Variants in ACLY observed in about 807,000 individuals in gnomAD.
ACLY encodes the protein ATP citrate lyase.
ACLY carries 41 observed loss-of-function variants against 133.0 expected under a neutral mutation model. The ratio of observed to expected loss-of-function variants is 0.31; its 90% CI spans 0.24 to 0.40. The LOEUF is 0.40. Among genes scored for constraint, ACLY ranks in the 10% least tolerant of loss-of-function variants. ACLY has a pLI of 1.00. For synonymous variants in ACLY, 495 were observed against 549.3 expected, an observed-to-expected ratio of 0.90 and a Z score of 1.38; for missense variants, 1,046 against 1,453.8, an observed-to-expected ratio of 0.72 and a Z score of 4.56.
At chr17:41,894,602 G>C (rs1478568682) in intron 14 of ACLY, among the ~76,000 whole-genome samples, 1 of 150,894 alleles carries the variant, frequency 6.6e-6, no homozygotes, top group Admixed American at 6.6e-5. Context: ...CGATTATTAC[G>C]CATTGCACGC....
At chr17:41,919,786 T>C (rs1416940948), upstream of ACLY, among the ~76,000 whole-genome samples, 1 of 152,228 alleles carries the variant, frequency 6.6e-6, no homozygotes, top group Non-Finnish European at 1.5e-5. Flanking sequence ...CCCTTCTCCA[T>C]TACCTGAGAC....
intron 4 of ACLY, 90 bp from the exon 5 acceptor site, chr17:41,909,790 T>C: frequency 8.4e-7 from 1 of 1,196,936 alleles, no homozygotes; most frequent in Non-Finnish European, 1.2e-6. Context: ...GTCTACCATG[T>C]ACTGGGAGAG....
rs751690276 is a variant in ACLY at position 41,892,417 on chromosome 17, C to A, written c.1632G>T (p.Gly544=). 1 of 1,613,632 alleles carries A rather than the reference C, an allele frequency of 6.2e-7. No individual in the cohort carries two copies. The highest frequency in any genetic ancestry group is 8.5e-7 in the Non-Finnish European group (1 of 1,179,884). Residue 544 remains glycine (G), a synonymous_variant, in exon 16 of 29, where the codon GGG becomes GGT. Transcript: ENST00000352035. The part of the protein sequence containing the change: ...TGDHKQKFYW[G]HKEILIPVFK... ...AGACAGGGATCAGGATCTCTTTGTG[C>A]CCCCAGTAAAACTTCTGCTTGTGGT... is the stretch of plus-strand genomic sequence containing the variant.
chr17:41,885,476 T>C (rs2049024339), intron 18 of ACLY, among the ~76,000 whole-genome samples: 1 of 152,218 alleles, frequency 6.6e-6, no homozygotes, highest in African/African-American at 2.4e-5. Flanking sequence ...ACATTTATTA[T>C]GAACCTACTA....
chr17:41,873,175 CTTTT>C (rs529319940), intron 23 of ACLY, among the ~76,000 whole-genome samples: 1 of 134,360 alleles, frequency 7.4e-6, no homozygotes, highest in South Asian at 2.4e-4. Context: ...ACACAAGGTA[CTTTT>C]TTTTTTTTTT....
At chr17:41,904,069 A>G (rs2049619579) in intron 10 of ACLY, among the ~76,000 whole-genome samples, 1 of 151,094 alleles carries the variant, frequency 6.6e-6, no homozygotes, top group Non-Finnish European at 1.5e-5. Context: ...GTGAGCTGAG[A>G]TCGTGCCATT....
intron 2 of ACLY, 61 bp downstream of exon 2, chr17:41,913,654 G>C: frequency 6.4e-7 from 1 of 1,564,620 alleles, no homozygotes; most frequent in Non-Finnish European, 8.7e-7. Flanking sequence ...ACAAACCAAT[G>C]GCTTTCTCTT....
At chr17:41,925,751 T>A (rs947833565) in intron 1 of ACLY, among the ~76,000 whole-genome samples, 1 of 152,102 alleles carries the variant, frequency 6.6e-6, no homozygotes, top group Non-Finnish European at 1.5e-5. Context: ...AGGCAGTAGT[T>A]ACCTGGAGAG....
Position 41,869,072 on chromosome 17 carries a change from G to A in ACLY, c.3105C>T (p.Asp1035=), listed in dbSNP as rs1174669324. The A allele has an allele frequency of 1.2e-5, 20 of 1,613,810 alleles. No homozygotes were observed. The highest frequency in any genetic ancestry group is 2.7e-5 in the African/African-American group (2 of 74,908). ...VDGLIGVAFV[D]MLRNCGSFTR... is the part of the protein sequence containing the mutation. ...TAAAGGACCCACAGTTTCTAAGCAT[G>A]TCTACAAATGCGACTCCGATGAGAC... The change falls in exon 27 of 29, where the codon GAC becomes GAT. Residue 1035 remains aspartate, a synonymous_variant. Transcript: ENST00000352035.
intron 14 of ACLY, 123 bp downstream of exon 14, chr17:41,896,497 G>T (rs782119768): frequency 5.0e-5 from 43 of 857,908 alleles, no homozygotes; most frequent in African/African-American, 6.9e-5. Flanking sequence ...ATCAAGGCAG[G>T]GACAGAAAAT....
chr17:41,912,329 T>A (rs2049927195), intron 3 of ACLY, 91 bp downstream of exon 3: 3 of 1,528,570 alleles, frequency 2.0e-6, no homozygotes, highest in Middle Eastern at 2.1e-4. Flanking sequence ...TGAGACTGGC[T>A]GTGGGGGTGA....
chr17:41,892,965 C>T, intron 15 of ACLY, 68 bp downstream of exon 15: 1 of 1,561,220 alleles, frequency 6.4e-7, no homozygotes, highest in Admixed American at 1.8e-5. Context: ...AGGCATGAGC[C>T]ACTGTGCCCA....
intron 13 of ACLY, among the ~76,000 whole-genome samples, chr17:41,897,066 C>T (rs557868783): frequency 6.6e-6 from 1 of 152,280 alleles, no homozygotes; most frequent in Admixed American, 6.5e-5. Context: ...GGGGTTGACC[C>T]GTGCCATGGA....
At chr17:41,914,040 C>A in intron 1 of ACLY, 144 bp from the exon 2 acceptor site, 1 of 758,208 alleles carries the variant, frequency 1.3e-6, no homozygotes. Flanking sequence ...AAATGCTGTC[C>A]CAGCGGGAGG....
At chr17:41,904,434 T>C in intron 10 of ACLY, 1 of 373,264 alleles carries the variant, frequency 2.7e-6, no homozygotes, top group Non-Finnish European at 4.9e-6. Context: ...ATTGAGCCAG[T>C]GCTCCAAAGC....
chr17:41,911,966 T>C (rs1235775288), intron 3 of ACLY, among the ~76,000 whole-genome samples: 3 of 151,924 alleles, frequency 2.0e-5, no homozygotes, highest in African/African-American at 7.3e-5. Flanking sequence ...AATACAAAAT[T>C]AGCCAAGTAT....
Position 41,918,796 on chromosome 17 carries a change from A to G in ACLY, c.-24+84T>C, listed in dbSNP as rs1278583467. ...GTGGGCACCGAGCCCGCGTCGGGGA[A>G]GGCGGTTCCGGGTTGGGGGACGGAG... is the stretch of plus-strand genomic sequence containing the variant. On this transcript the variant is annotated intron_variant, in intron 1 of 28. Coordinates refer to ENST00000352035, the MANE Select transcript of ACLY (RefSeq NM_001096.3). 5 of 1,259,830 alleles carry G rather than the reference A, an allele frequency of 4.0e-6. No homozygotes were observed. In the East Asian group the frequency reaches 2.7e-4, roughly 68 times the overall value. The allele number at this position is 1,259,830 out of a possible 1,614,324, so 78.0% of individuals were successfully genotyped here.
rs113545188 is a variant in ACLY, at chr17:41,871,913, C to T, written c.2794-81G>A. On this transcript the variant is annotated intron_variant, in intron 24 of 28. Transcript: ENST00000352035. Reference sequence around the variant, plus strand: ...GCAAACCAACCCAGTGTGTCCCGAACGGCCCTGAGCACTGGGTTTTACACT... The same window carrying T: ...GCAAACCAACCCAGTGTGTCCCGAATGGCCCTGAGCACTGGGTTTTACACT... The T allele has an allele frequency of 2.3e-4, 372 of 1,594,692 alleles. 3 individuals carry two copies. In the African/African-American group the frequency reaches 3.2e-3, roughly 14 times the overall value.
At chr17:41,892,095 C>T (rs770025358) in intron 16 of ACLY, among the ~76,000 whole-genome samples, 184 bp downstream of exon 16, 6 of 152,114 alleles carry the variant, frequency 3.9e-5, no homozygotes, top group Non-Finnish European at 7.4e-5. Context: ...CATGTGTCTC[C>T]AACCATTTCC....
Sources: allele counts gnomAD v4.1 joint callset (sites outside exome capture counted in the v4.1 genomes callset), GRCh38; gene constraint gnomAD v4.1.1; transcripts MANE v1.5; gene names NCBI Gene and HGNC (gene_info 2026-07-23, HGNC 2026-07-21).